Variants in WWC1 observed in about 807,000 individuals in gnomAD.
WWC1 encodes protein KIBRA.
Under a neutral mutation model 138.4 loss-of-function variants are expected in WWC1, and 55 were observed. That is an observed-to-expected ratio of 0.40 (90% CI 0.32 to 0.50). WWC1 has a LOEUF of 0.50. WWC1 is among the 20% of genes least tolerant of loss of function. WWC1 has a pLI of 0.72. For missense variants in WWC1, 1,226 were observed against 1,420.4 expected, an observed-to-expected ratio of 0.86 and a Z score of 2.20; for synonymous variants, 524 against 564.9, an observed-to-expected ratio of 0.93 and a Z score of 1.03.
chr5:168,382,971 T>C (rs2152817095), intron 2 of WWC1, among the ~76,000 whole-genome samples: 1 of 150,642 alleles, frequency 6.6e-6, no homozygotes, highest in Middle Eastern at 3.4e-3. Flanking sequence ...AGGTCAGGAG[T>C]TCAAGACTAG....
chr5:168,343,260 G>T (rs1774195148), intron 1 of WWC1, among the ~76,000 whole-genome samples: 6 of 152,144 alleles, frequency 3.9e-5, no homozygotes, highest in Admixed American at 2.0e-4. Context: ...CCCTGCATTT[G>T]AATTTATTCA....
chr5:168,428,468 C>A (rs1781688608), intron 12 of WWC1, among the ~76,000 whole-genome samples: 1 of 151,870 alleles, frequency 6.6e-6, no homozygotes, highest in Admixed American at 6.6e-5. Context: ...GTCTGTAATC[C>A]CAGCTACTTG....
chr5:168,349,665 T>C (rs1774773669), intron 1 of WWC1, among the ~76,000 whole-genome samples: 1 of 152,136 alleles, frequency 6.6e-6, no homozygotes, highest in African/African-American at 2.4e-5. Context: ...TCCTCAGGAG[T>C]GCTTCCTTCT....
intron 1 of WWC1, among the ~76,000 whole-genome samples, chr5:168,369,433 GGCTCTGTT>G (rs1396996449): frequency 6.6e-6 from 1 of 152,146 alleles, no homozygotes; most frequent in Non-Finnish European, 1.5e-5. Flanking sequence ...GTCAGGGTCT[GGCTCTGTT>G]GCCCAGCTTG....
At chr5:168,318,058 GA>G (rs1197899939) in intron 1 of WWC1, among the ~76,000 whole-genome samples, 2 of 151,814 alleles carry the variant, frequency 1.3e-5, no homozygotes, top group Non-Finnish European at 2.9e-5. Flanking sequence ...GATAAAGTAT[GA>G]TTTTTTTTTT....
At chr5:168,402,977 C>T (rs1261782207) in intron 5 of WWC1, among the ~76,000 whole-genome samples, 3 of 151,716 alleles carry the variant, frequency 2.0e-5, no homozygotes, top group Non-Finnish European at 4.4e-5. Context: ...GAAAATTTCT[C>T]TTTAGCAGCC....
intron 17 of WWC1, among the ~76,000 whole-genome samples, chr5:168,447,122 T>C (rs1755347928): frequency 6.6e-6 from 1 of 152,138 alleles, no homozygotes; most frequent in African/African-American, 2.4e-5. Context: ...GTCTGTGAAA[T>C]AGAGATTTAG....
At chr5:168,348,518 G>A (rs1026393261) in intron 1 of WWC1, among the ~76,000 whole-genome samples, 5 of 152,166 alleles carry the variant, frequency 3.3e-5, no homozygotes, top group African/African-American at 7.2e-5. Context: ...GTGGAAGCTT[G>A]GCTGTGAGCA....
chr5:168,441,988 C>G, intron 16 of WWC1, 154 bp downstream of exon 16: 1 of 1,155,440 alleles, frequency 8.7e-7, no homozygotes, highest in Non-Finnish European at 1.2e-6. Flanking sequence ...GAGAGATCTC[C>G]ACTAAGGGGC....
chr5:168,427,987 G>T, intron 11 of WWC1, 46 bp from the exon 12 acceptor site: 1 of 1,554,848 alleles, frequency 6.4e-7, no homozygotes, highest in Non-Finnish European at 8.9e-7. Context: ...AGTCGCAAAG[G>T]CAGTTTCCTG....
At chr5:168,328,782 G>A (rs537049973) in intron 1 of WWC1, among the ~76,000 whole-genome samples, 73 of 152,168 alleles carry the variant, frequency 4.8e-4, no homozygotes, top group Non-Finnish European at 9.4e-4. Context: ...TGATCTGCCC[G>A]CCTCGGCCTC....
chr5:168,315,465 T>C (rs1283460269), intron 1 of WWC1, among the ~76,000 whole-genome samples: 2 of 152,098 alleles, frequency 1.3e-5, no homozygotes, highest in Non-Finnish European at 2.9e-5. Context: ...ACTACCTCCC[T>C]GTGCTGCCCC....
intron 11 of WWC1, among the ~76,000 whole-genome samples, chr5:168,425,953 T>C (rs1781470121): frequency 6.6e-6 from 1 of 152,146 alleles, no homozygotes; most frequent in African/African-American, 2.4e-5. Context: ...CTGAGTTCTG[T>C]CTACAAAAAG....
At chr5:168,361,234 C>T (rs1030076814) in intron 1 of WWC1, among the ~76,000 whole-genome samples, 7 of 152,120 alleles carry the variant, frequency 4.6e-5, no homozygotes, top group African/African-American at 1.7e-4. Context: ...GTTCTGTTGG[C>T]TTTTTCTTTA....
chr5:168,459,526 T>C (rs1425841430), intron 19 of WWC1, among the ~76,000 whole-genome samples: 1 of 152,234 alleles, frequency 6.6e-6, no homozygotes. Context: ...GTTCCCATCA[T>C]GTTAGGATTG....
chr5:168,391,657 T>G (rs1268382546), intron 3 of WWC1, among the ~76,000 whole-genome samples: 2 of 92,192 alleles, frequency 2.2e-5, no homozygotes, highest in East Asian at 7.9e-4. Context: ...ACACTCCGTC[T>G]CAAAAAAAAA....
intron 2 of WWC1, 53 bp downstream of exon 2, chr5:168,371,586 C>T: frequency 4.6e-6 from 6 of 1,307,704 alleles, no homozygotes; most frequent in Non-Finnish European, 6.6e-6. Context: ...CCTCCACCTC[C>T]AAGCCCATCC....
intron 17 of WWC1, among the ~76,000 whole-genome samples, chr5:168,445,321 A>G (rs1755148228): frequency 6.6e-6 from 1 of 151,744 alleles, no homozygotes; most frequent in Non-Finnish European, 1.5e-5. Context: ...AAGAAAGAAG[A>G]AGAATGTAAT....
chr5:168,310,309 T>A (rs777958837), intron 1 of WWC1, among the ~76,000 whole-genome samples: 1 of 151,936 alleles, frequency 6.6e-6, no homozygotes, highest in African/African-American at 2.4e-5. Context: ...TTTACCAGTT[T>A]TTTTGCGTTG....
Sources: allele counts gnomAD v4.1 joint callset (sites outside exome capture counted in the v4.1 genomes callset), GRCh38; gene constraint gnomAD v4.1.1; transcripts MANE v1.5; gene names NCBI Gene and HGNC (gene_info 2026-07-23, HGNC 2026-07-21).